The following CFAP299 variants were observed in gnomAD, a reference collection of about 807,000 sequenced individuals.
The protein encoded by CFAP299 is cilia and flagella associated protein 299, also known as cilia- and flagella-associated protein 299.
In CFAP299, 21 loss-of-function variants were observed where a neutral mutation model predicts 27.0. The observed-to-expected ratio is 0.78, with a 90% CI of 0.55 to 1.12. The LOEUF (loss-of-function observed/expected upper bound fraction) is 1.12, where lower values mean the gene tolerates loss of function less well. CFAP299 is among the 50% of genes most tolerant of loss of function. CFAP299 has a pLI of 0.00. For missense variants in CFAP299, 310 were observed against 276.6 expected (o/e 1.12, Z -0.86); for synonymous variants, 104 against 98.1 (o/e 1.06, Z -0.36).
At chr4:80,648,244 G>A (rs766515097) in intron 3 of CFAP299, among the ~76,000 whole-genome samples, 1 of 152,154 alleles carries the variant, frequency 6.6e-6, no homozygotes, top group Middle Eastern at 3.4e-3. Context: ...ATGCTTTCCA[G>A]AAACTGATAC....
At chr4:80,415,911 ATTTGT>A (rs1726978997) in intron 2 of CFAP299, among the ~76,000 whole-genome samples, 1 of 152,300 alleles carries the variant, frequency 6.6e-6, no homozygotes, top group African/African-American at 2.4e-5. Flanking sequence ...GCTGAAATTG[ATTTGT>A]TTTGTTTGAT....
chr4:80,746,084 A>G (rs907646571), intron 3 of CFAP299, among the ~76,000 whole-genome samples: 1 of 152,028 alleles, frequency 6.6e-6, no homozygotes, highest in African/African-American at 2.4e-5. Context: ...TTTTCTATAG[A>G]TAGAGAATTG....
intron 2 of CFAP299, chr4:80,387,689 C>A (rs974396433): frequency 6.3e-7 from 1 of 1,575,328 alleles, no homozygotes; most frequent in Non-Finnish European, 8.7e-7. Flanking sequence ...TGGGCAAAGG[C>A]ATGGCCACAT....
At chr4:80,562,477 A>T (rs1735081653) in intron 2 of CFAP299, among the ~76,000 whole-genome samples, 1 of 150,862 alleles carries the variant, frequency 6.6e-6, no homozygotes, top group African/African-American at 2.4e-5. Context: ...GGGTGCCCGT[A>T]ATCCCAGCTA....
intron 3 of CFAP299, among the ~76,000 whole-genome samples, chr4:80,725,111 ATT>A (rs70956062): frequency 4.5e-5 from 4 of 88,534 alleles, no homozygotes; most frequent in South Asian, 4.8e-4. Context: ...TGCCTGGCCA[ATT>A]TTTTTTTTTT....
At chr4:80,645,505 CTGTT>C (rs1362255828) in intron 3 of CFAP299, among the ~76,000 whole-genome samples, 1 of 152,060 alleles carries the variant, frequency 6.6e-6, no homozygotes, top group African/African-American at 2.4e-5. Flanking sequence ...GTAGGTGTAT[CTGTT>C]TGTATCTATG....
chr4:80,657,188 G>A (rs1028888474), intron 3 of CFAP299, among the ~76,000 whole-genome samples: 1 of 151,866 alleles, frequency 6.6e-6, no homozygotes, highest in East Asian at 1.9e-4. Context: ...GCCTGTTCAC[G>A]CTGATGATAG....
At chr4:80,480,375 T>C (rs188475609) in intron 2 of CFAP299, among the ~76,000 whole-genome samples, 397 of 151,984 alleles carry the variant, frequency 2.6e-3, no homozygotes, top group South Asian at 0.017. Flanking sequence ...AGAGGGGGCT[T>C]TTATAGGATG....
intron 1 of CFAP299, among the ~76,000 whole-genome samples, chr4:80,349,625 G>C (rs987520282): frequency 1.3e-5 from 2 of 152,094 alleles, no homozygotes; most frequent in African/African-American, 4.8e-5. Flanking sequence ...AGTATGATTT[G>C]TTATAGGACT....
At chr4:80,746,750 T>C (rs1186923451) in intron 3 of CFAP299, among the ~76,000 whole-genome samples, 1 of 152,066 alleles carries the variant, frequency 6.6e-6, no homozygotes, top group East Asian at 1.9e-4. Context: ...TGTTTCCATA[T>C]ATTTCTATTT....
At chr4:80,617,702 C>T (rs543126990) in intron 3 of CFAP299, among the ~76,000 whole-genome samples, 1 of 152,112 alleles carries the variant, frequency 6.6e-6, no homozygotes, top group African/African-American at 2.4e-5. Context: ...TAATGATAAC[C>T]AAAACTATGG....
chr4:80,900,965 A>G (rs976882399), intron 4 of CFAP299, among the ~76,000 whole-genome samples: 4 of 152,238 alleles, frequency 2.6e-5, no homozygotes, highest in African/African-American at 9.6e-5. Context: ...AGCACTGCTA[A>G]TCATTTTACT....
At chr4:80,384,578 A>G (rs1025684917) in intron 2 of CFAP299, among the ~76,000 whole-genome samples, 2 of 152,184 alleles carry the variant, frequency 1.3e-5, no homozygotes, top group African/African-American at 4.8e-5. Flanking sequence ...TGTAGTATCT[A>G]TTTCAGGAGA....
At chr4:80,670,352 T>C (rs1392228357) in intron 3 of CFAP299, among the ~76,000 whole-genome samples, 2 of 152,170 alleles carry the variant, frequency 1.3e-5, no homozygotes, top group Non-Finnish European at 2.9e-5. Flanking sequence ...TATTCCATGG[T>C]GTACATGTGC....
chr4:80,474,748 CA>C (rs1730187837), intron 2 of CFAP299, among the ~76,000 whole-genome samples: 1 of 151,926 alleles, frequency 6.6e-6, no homozygotes, highest in Admixed American at 6.6e-5. Context: ...TCAATTTATT[CA>C]ACAATATTAT....
At chr4:80,752,220 G>A (rs887823077) in intron 3 of CFAP299, among the ~76,000 whole-genome samples, 1 of 151,876 alleles carries the variant, frequency 6.6e-6, no homozygotes, top group Non-Finnish European at 1.5e-5. Context: ...TCCATGAGTC[G>A]AGTTGTTTGG....
chr4:80,855,282 A>T (rs1309764626), intron 3 of CFAP299, among the ~76,000 whole-genome samples: 2 of 152,092 alleles, frequency 1.3e-5, no homozygotes, highest in Admixed American at 1.3e-4. Context: ...TATATTCATC[A>T]CTGTACCAAT....
intron 2 of CFAP299, among the ~76,000 whole-genome samples, chr4:80,543,252 T>C (rs891688978): frequency 3.9e-5 from 6 of 152,184 alleles, no homozygotes; most frequent in Non-Finnish European, 8.8e-5. Context: ...TCAGCCCTCA[T>C]AGGTGAGAAA....
At chr4:80,631,206 G>A (rs1029814972) in intron 3 of CFAP299, among the ~76,000 whole-genome samples, 13 of 152,048 alleles carry the variant, frequency 8.5e-5, no homozygotes, top group East Asian at 3.9e-4. Flanking sequence ...AGTTGCCAAG[G>A]TGGTAAATAA....
Sources: allele counts gnomAD v4.1 joint callset (sites outside exome capture counted in the v4.1 genomes callset), GRCh38; gene constraint gnomAD v4.1.1; transcripts MANE v1.5; gene names NCBI Gene and HGNC (gene_info 2026-07-23, HGNC 2026-07-21).